Variants in THSD7B observed in about 807,000 individuals in gnomAD.
THSD7B encodes the protein thrombospondin type-1 domain-containing protein 7B.
In THSD7B, 138 loss-of-function variants were observed where a neutral mutation model predicts 213.6. The ratio of observed to expected loss-of-function variants is 0.65; its 90% CI spans 0.56 to 0.74. THSD7B has a LOEUF of 0.74. Among genes scored for constraint, THSD7B ranks in the 30% least tolerant of loss-of-function variants. The pLI is 0.00. For missense variants in THSD7B, 1,931 were observed against 1,991.5 expected (o/e 0.97, Z 0.58); for synonymous variants, 742 against 687.0 (o/e 1.08, Z -1.25).
Position 137,666,035 on chromosome 2 carries a change from T to C in THSD7B, c.4652-1739T>C, listed in dbSNP as rs917948869. Among the ~76,000 whole-genome samples, 23 of 152,270 alleles carry C rather than the reference T, an allele frequency of 1.5e-4. 1 individual carries two copies. The highest frequency in any genetic ancestry group is 7.2e-4 in the Admixed American group (11 of 15,292). ...ACAGTAATAGCTACTGGGTAGGGAA[T>C]TGAGAGGTTGGTGGGAAGACTTATT... is the stretch of plus-strand genomic sequence containing the variant. On this transcript the variant is annotated intron_variant, in intron 26 of 27. Transcript: ENST00000409968.
intron 7 of THSD7B, among the ~76,000 whole-genome samples, chr2:137,177,598 A>G (rs1680383117): frequency 6.6e-6 from 1 of 152,176 alleles, no homozygotes; most frequent in South Asian, 2.1e-4. Flanking sequence ...AATAGGGCTC[A>G]AGAACTTGTA....
chr2:137,071,801 G>T (rs1687494407), intron 3 of THSD7B, among the ~76,000 whole-genome samples: 1 of 152,130 alleles, frequency 6.6e-6, no homozygotes, highest in Non-Finnish European at 1.5e-5. Context: ...GTAAGGAAGG[G>T]ATCCAGTTTC....
At chr2:136,786,400 G>A (rs1032900685) in intron 1 of THSD7B, among the ~76,000 whole-genome samples, 3 of 151,956 alleles carry the variant, frequency 2.0e-5, no homozygotes, top group African/African-American at 7.3e-5. Context: ...TATTGTTTCT[G>A]CTTGTTATGA....
At chr2:137,085,221 A>G (rs1194829963) in intron 3 of THSD7B, among the ~76,000 whole-genome samples, 3 of 152,208 alleles carry the variant, frequency 2.0e-5, no homozygotes, top group Admixed American at 2.0e-4. Flanking sequence ...ATAATCAGCC[A>G]ATAGTAATGA....
chr2:137,146,792 A>C lies in THSD7B; in HGVS notation c.1370-13421A>C, dbSNP rs766632097. 3.9e-5 allele frequency among the ~76,000 whole-genome samples: 6 copies of C among 152,174 alleles called. No individual in the cohort carries two copies. The South Asian group carries it at 1.2e-3, about 31-fold the overall frequency. On this transcript the variant is annotated intron_variant, in intron 5 of 27. Transcript: ENST00000409968. ...GGAGGAAAAGACAATTAGGAAAAAA[A>C]TGTTTACAAAAATTACTGAGGGAGG...
At chr2:136,970,567 A>C (rs1685389393) in intron 2 of THSD7B, among the ~76,000 whole-genome samples, 2 of 152,226 alleles carry the variant, frequency 1.3e-5, no homozygotes, top group South Asian at 4.1e-4. Flanking sequence ...TATCAATTTG[A>C]GAAGTCCAAA....
At chr2:137,011,504 G>A (rs763084054) in intron 2 of THSD7B, among the ~76,000 whole-genome samples, 33 of 152,240 alleles carry the variant, frequency 2.2e-4, no homozygotes, top group Admixed American at 5.9e-4. Context: ...GATGCCAGTA[G>A]CAGCTCATCT....
intron 7 of THSD7B, among the ~76,000 whole-genome samples, chr2:137,179,283 T>A (rs927600100): frequency 1.4e-4 from 22 of 152,114 alleles, no homozygotes; most frequent in Non-Finnish European, 2.9e-4. Context: ...ATAACAGGGA[T>A]TAGTTATAGC....
intron 20 of THSD7B, among the ~76,000 whole-genome samples, chr2:137,634,473 C>T (rs938801778): frequency 6.6e-6 from 1 of 152,122 alleles, no homozygotes; most frequent in African/African-American, 2.4e-5. Context: ...TGTTTCCAGT[C>T]AATAGGAACC....
chr2:137,042,093 T>C (rs2104862830), intron 2 of THSD7B, among the ~76,000 whole-genome samples: 1 of 152,320 alleles, frequency 6.6e-6, no homozygotes, highest in East Asian at 1.9e-4. Flanking sequence ...CCCTGAAATA[T>C]TCTGATTTCT....
intron 7 of THSD7B, among the ~76,000 whole-genome samples, chr2:137,185,953 T>C (rs984521191): frequency 2.6e-5 from 4 of 152,174 alleles, no homozygotes; most frequent in African/African-American, 9.7e-5. Flanking sequence ...TGGTGTCTCA[T>C]TGTGGTTTTG....
intron 27 of THSD7B, among the ~76,000 whole-genome samples, chr2:137,675,457 G>A (rs1407204342): frequency 1.4e-5 from 2 of 141,598 alleles, no homozygotes; most frequent in Admixed American, 7.0e-5. Context: ...TGCGGACAGT[G>A]TGGTGAAAAG....
chr2:137,170,221 A>C (rs889584508), intron 6 of THSD7B, among the ~76,000 whole-genome samples: 1 of 152,170 alleles, frequency 6.6e-6, no homozygotes. Context: ...TGAACTCCAA[A>C]GAGATATTGT....
At chr2:136,817,155 T>C (rs1216258176) in intron 1 of THSD7B, among the ~76,000 whole-genome samples, 1 of 152,200 alleles carries the variant, frequency 6.6e-6, no homozygotes, top group East Asian at 1.9e-4. Flanking sequence ...TAAAACTGCA[T>C]TTATCTACCA....
chr2:137,397,413 T>G (rs1686221665), intron 12 of THSD7B, among the ~76,000 whole-genome samples: 1 of 152,118 alleles, frequency 6.6e-6, no homozygotes, highest in Non-Finnish European at 1.5e-5. Flanking sequence ...TTATTTCTCC[T>G]TCACTTAGGA....
rs1452769390 is a variant in THSD7B, at chr2:137,450,944, T to C, written c.3059T>C (p.Val1020Ala). Residue 1020 changes from valine to alanine, a missense_variant, in exon 15 of 28, where the codon GTG becomes GCG. Coordinates refer to ENST00000409968, the MANE Select transcript of THSD7B (RefSeq NM_001316349.2). ...TGCAGTTCATCTTGTGGAATTGGAG[T>C]GAGAATTCGATCCAAATGGCTAAAA... ...GSCSSSCGIG[V>A]RIRSKWLKEK... The C allele has an allele frequency of 6.2e-7, 1 of 1,613,274 alleles. No homozygotes were observed. The highest frequency in any genetic ancestry group is 8.5e-7 in the Non-Finnish European group (1 of 1,179,554).
chr2:137,013,182 T>G (rs1686262322), intron 2 of THSD7B, among the ~76,000 whole-genome samples: 1 of 152,174 alleles, frequency 6.6e-6, no homozygotes, highest in Non-Finnish European at 1.5e-5. Flanking sequence ...TGGCCAAGAT[T>G]GAGTAACAGG....
chr2:137,022,310 C>T (rs750354676), intron 2 of THSD7B, among the ~76,000 whole-genome samples: 5 of 152,128 alleles, frequency 3.3e-5, no homozygotes, highest in South Asian at 4.1e-4. Flanking sequence ...TAGTAATGTA[C>T]GAATGAGTCA....
chr2:137,472,711 G>T, intron 15 of THSD7B, among the ~76,000 whole-genome samples: 1 of 152,106 alleles, frequency 6.6e-6, no homozygotes, highest in East Asian at 1.9e-4. Flanking sequence ...GATACTCTTT[G>T]GTACTACACC....
Sources: allele counts gnomAD v4.1 joint callset (sites outside exome capture counted in the v4.1 genomes callset), GRCh38; gene constraint gnomAD v4.1.1; transcripts MANE v1.5; gene names NCBI Gene and HGNC (gene_info 2026-07-23, HGNC 2026-07-21).